The following GSE1 variants were observed in gnomAD, a reference collection of about 807,000 sequenced individuals.
GSE1 encodes Gse1 coiled-coil protein, also known as genetic suppressor element 1.
GSE1 carries 32 observed loss-of-function variants against 112.6 expected under a neutral mutation model. The ratio of observed to expected loss-of-function variants is 0.28; its 90% CI spans 0.21 to 0.38. The LOEUF (loss-of-function observed/expected upper bound fraction) is 0.38. GSE1 is among the 10% of genes least tolerant of loss of function. The pLI is 1.00. For missense variants in GSE1, 2,348 were observed against 1,699.2 expected, an observed-to-expected ratio of 1.38 and a Z score of -6.71; for synonymous variants, 1,115 against 735.6, an observed-to-expected ratio of 1.52 and a Z score of -8.35.
At chr16:85,398,151 G>C (rs2048010939) in intron 2 of GSE1, among the ~76,000 whole-genome samples, 1 of 152,214 alleles carries the variant, frequency 6.6e-6, no homozygotes, top group Non-Finnish European at 1.5e-5. Context: ...CAGTACCTCA[G>C]TTTCCTCATC....
intron 1 of GSE1, among the ~76,000 whole-genome samples, chr16:85,272,972 C>T (rs1909000692): frequency 1.3e-5 from 2 of 152,184 alleles, no homozygotes. Context: ...GACAGGATTT[C>T]TCCATGTTTA....
At chr16:85,640,638 A>G (rs1354996365) in intron 2 of GSE1, among the ~76,000 whole-genome samples, 2 of 152,238 alleles carry the variant, frequency 1.3e-5, no homozygotes, top group African/African-American at 4.8e-5. Context: ...ACCCATCCTC[A>G]TGAGCTGCCG....
rs1016851150 is a variant in GSE1, at chr16:85,169,950, C to T, written c.426C>T (p.Tyr142=). 4 of 984,480 alleles carry T rather than the reference C, an allele frequency of 4.1e-6. No homozygotes were observed. In the African/African-American group the frequency reaches 5.3e-5, roughly 13 times the overall value. 61.0% of individuals were successfully genotyped at this position (984,480 alleles called of 1,614,324 possible). A position where few individuals can be genotyped will look rare whatever the true frequency, so the allele number is the denominator to read the frequency against. ...CCCCCCGCGAGTGGAACGTCGCCTA[C>T]GCGCTGGGCAGCGCCACCGGCGACG... is the stretch of plus-strand genomic sequence containing the variant. Residue 142 remains tyrosine, a synonymous_variant, in exon 1 of 3, where the codon TAC becomes TAT. Transcript: ENST00000637419.
intron 1 of GSE1, among the ~76,000 whole-genome samples, chr16:85,322,956 G>A (rs971518081): frequency 3.3e-5 from 5 of 152,142 alleles, no homozygotes; most frequent in Admixed American, 6.5e-5. Context: ...AGACGACTTC[G>A]GGGTCAGTGC....
In GSE1 at chr16:85,469,975, G is replaced by A. The variant is rs578101980; in HGVS notation, c.2464+112332G>A. On this transcript the variant is annotated intron_variant, in intron 2 of 2. Transcript: ENST00000637419. ...ACTGTGGTTCCCCGCAGTGGCAACC[G>A]TGGAAATGGAGGGCTGCTCCCACTC... is the stretch of plus-strand genomic sequence containing the variant. Among the ~76,000 whole-genome samples the A allele has an allele frequency of 9.2e-5, 14 of 152,298 alleles. 1 individual carries two copies. Among genetic ancestry groups the A allele is most frequent in the African/African-American group, 2.6e-4 (11 of 41,578 alleles).
chr16:85,592,839 C>T (rs2047057604), intron 1 of GSE1: 1 of 152,376 alleles, frequency 6.6e-6, no homozygotes, highest in African/African-American at 2.4e-5. Flanking sequence ...TTTTGGAAGG[C>T]TTAACTGGAT....
chr16:85,216,657 C>G (rs1462188550), intron 1 of GSE1, among the ~76,000 whole-genome samples: 1 of 152,194 alleles, frequency 6.6e-6, no homozygotes, highest in African/African-American at 2.4e-5. Flanking sequence ...GGAGGTTAAG[C>G]TGTTTTCCCA....
intron 3 of GSE1, among the ~76,000 whole-genome samples, chr16:85,653,520 AC>A (rs1250822254): frequency 6.6e-6 from 1 of 150,668 alleles, no homozygotes; most frequent in Non-Finnish European, 1.5e-5. Context: ...CCTGGAGAAG[AC>A]CCCTCATCTG....
intron 1 of GSE1, among the ~76,000 whole-genome samples, chr16:85,354,153 T>C (rs1031678899): frequency 1.3e-5 from 2 of 152,190 alleles, no homozygotes; most frequent in Non-Finnish European, 2.9e-5. Context: ...CAAACTCCTA[T>C]AGTACTTGTC....
chr16:85,554,418 G>A (rs1265511257), upstream of GSE1, among the ~76,000 whole-genome samples: 1 of 152,134 alleles, frequency 6.6e-6, no homozygotes, highest in East Asian at 1.9e-4. Flanking sequence ...TGGTGCAGCC[G>A]GGGCTTGCAG....
intron 2 of GSE1, among the ~76,000 whole-genome samples, chr16:85,474,168 A>G (rs1409975696): frequency 6.6e-6 from 1 of 152,072 alleles, no homozygotes; most frequent in Non-Finnish European, 1.5e-5. Context: ...AGTCCAGACG[A>G]GAGGTGCTGG....
At chr16:85,640,318 T>C (rs992080752) in intron 2 of GSE1, among the ~76,000 whole-genome samples, 7 of 152,112 alleles carry the variant, frequency 4.6e-5, no homozygotes, top group Admixed American at 1.3e-4. Flanking sequence ...TCCAAGCAGG[T>C]GTTGGCCGCT....
Position 85,667,027 on chromosome 16 carries a change from T to C in GSE1, c.3130+680T>C, listed in dbSNP as rs116249951. ...GAGGTGTGCATAGGTGATACGCAGA[T>C]ACTATGCCACTTTATATCAGGGACT... On this transcript the variant is annotated intron_variant, in intron 13 of 15. Transcript: ENST00000253458. Among the ~76,000 whole-genome samples the C allele has an allele frequency of 8.4e-3, 1,282 of 152,382 alleles. 20 individuals carry two copies. Among genetic ancestry groups the C allele is most frequent in the African/African-American group, 0.029 (1,217 of 41,590 alleles).
chr16:85,605,413 A>T (rs1021631998), intron 1 of GSE1, among the ~76,000 whole-genome samples: 15 of 151,904 alleles, frequency 9.9e-5, no homozygotes, highest in African/African-American at 3.4e-4. Flanking sequence ...TCCTCGTAAA[A>T]CTTTATTTGT....
At chr16:85,357,524 C>A (rs1190880153) in exon 2 of GSE1, 2 of 1,269,328 alleles carry the variant, frequency 1.6e-6, no homozygotes, top group East Asian at 1.1e-4. Flanking sequence ...GAGTCCGAGA[C>A]CCGGCCACGC....
intron 1 of GSE1, among the ~76,000 whole-genome samples, chr16:85,183,366 C>T (rs2074634728): frequency 6.6e-6 from 1 of 152,248 alleles, no homozygotes; most frequent in Non-Finnish European, 1.5e-5. Context: ...TAAGACACAA[C>T]TTGGCACAGA....
intron 1 of GSE1, among the ~76,000 whole-genome samples, chr16:85,313,918 CTGTGTGTGTG>C (rs10676246): frequency 2.7e-5 from 4 of 149,178 alleles, no homozygotes; most frequent in Non-Finnish European, 4.5e-5. Flanking sequence ...GTCTGAGCCT[CTGTGTGTGTG>C]TGTGTGTGTG....
intron 2 of GSE1, among the ~76,000 whole-genome samples, chr16:85,413,239 C>T (rs917650910): frequency 1.3e-5 from 2 of 152,188 alleles, no homozygotes; most frequent in African/African-American, 2.4e-5. Context: ...GAGGGACCCC[C>T]ATCTCCCACG....
intron 2 of GSE1, among the ~76,000 whole-genome samples, chr16:85,457,733 G>T (rs549867173): frequency 1.1e-4 from 17 of 152,352 alleles, no homozygotes; most frequent in African/African-American, 3.8e-4. Flanking sequence ...GCTTCAGCCC[G>T]GCTGGGCAGA....
Sources: gnomAD v4.1 joint callset for allele counts (sites outside exome capture counted in the v4.1 genomes callset) on GRCh38, gnomAD v4.1.1 for gene constraint, MANE v1.5 for transcripts, NCBI Gene and HGNC (gene_info 2026-07-23, HGNC 2026-07-21) for gene names.